MGAT4C: variants seen among roughly 807,000 people sequenced by gnomAD.
MGAT4C encodes the protein alpha-1,3-mannosyl-glycoprotein 4-beta-N-acetylglucosaminyltransferase C.
Under a neutral mutation model 40.1 loss-of-function variants are expected in MGAT4C, and 19 were observed. The observed-to-expected ratio is 0.47, with a 90% confidence interval of 0.33 to 0.70. The LOEUF (loss-of-function observed/expected upper bound fraction) is 0.70, where lower values mean the gene tolerates loss of function less well. Among genes scored for constraint, MGAT4C ranks in the 30% least tolerant of loss-of-function variants. The pLI, the probability that MGAT4C is intolerant of heterozygous loss-of-function variation, is 0.02. For missense variants in MGAT4C, 491 were observed against 563.2 expected (o/e 0.87, Z 1.30); for synonymous variants, 181 against 187.1 (o/e 0.97, Z 0.27).
intron 3 of MGAT4C, among the ~76,000 whole-genome samples, chr12:86,370,259 A>C (rs1955689717): frequency 6.6e-6 from 1 of 152,044 alleles, no homozygotes; most frequent in African/African-American, 2.4e-5. Flanking sequence ...GAAATGGAAA[A>C]ATAGAGTATT....
intron 1 of MGAT4C, among the ~76,000 whole-genome samples, chr12:86,813,768 G>T (rs2136218576): frequency 6.6e-6 from 1 of 152,040 alleles, no homozygotes; most frequent in South Asian, 2.1e-4. Flanking sequence ...AGGTTAATTT[G>T]GGCAGATTTT....
chr12:86,412,672 T>A (rs1009106867), intron 3 of MGAT4C, among the ~76,000 whole-genome samples: 4 of 152,270 alleles, frequency 2.6e-5, no homozygotes, highest in Non-Finnish European at 5.9e-5. Context: ...ATTGCAGACT[T>A]CTGAGTTAAT....
At chr12:86,750,666 T>A (rs1479826053) in intron 1 of MGAT4C, among the ~76,000 whole-genome samples, 1 of 151,942 alleles carries the variant, frequency 6.6e-6, no homozygotes, top group Non-Finnish European at 1.5e-5. Context: ...TGATGCAAGT[T>A]GTGTTGTTAT....
intron 2 of MGAT4C, among the ~76,000 whole-genome samples, chr12:86,647,987 C>T (rs1963589956): frequency 6.6e-6 from 1 of 151,962 alleles, no homozygotes; most frequent in Admixed American, 6.6e-5. Context: ...GGGCAAAGGA[C>T]ATATTTTTCT....
At chr12:86,437,138 C>CA (rs1565761827) in intron 2 of MGAT4C, among the ~76,000 whole-genome samples, 1 of 151,622 alleles carries the variant, frequency 6.6e-6, no homozygotes, top group East Asian at 1.9e-4. Context: ...GTCTTTATTA[C>CA]AAAAAATTCT....
At chr12:86,573,400 GT>G (rs1208292309) in intron 2 of MGAT4C, among the ~76,000 whole-genome samples, 1 of 151,932 alleles carries the variant, frequency 6.6e-6, no homozygotes, top group Admixed American at 6.6e-5. Context: ...TGATCCTACA[GT>G]TCAGTGTTAT....
At chr12:86,206,952 T>C (rs543058754) in intron 1 of MGAT4C, among the ~76,000 whole-genome samples, 2 of 152,286 alleles carry the variant, frequency 1.3e-5, no homozygotes, top group South Asian at 4.1e-4. Flanking sequence ...CCAGGTACTT[T>C]TCCATGGTGC....
chr12:86,042,483 A>C lies in MGAT4C; in HGVS notation c.-7+7191T>G, dbSNP rs190072529. Among the ~76,000 whole-genome samples, 251 of 152,094 alleles carry C rather than the reference A, an allele frequency of 1.7e-3. 1 individual carries two copies. The highest frequency in any genetic ancestry group is 5.6e-3 in the African/African-American group (232 of 41,492). ...ATCCATATTTGGCACTACCTTCAGG[A>C]CCTCTTGTACAACAGGTCTGATGCA... On this transcript the variant is annotated intron_variant, in intron 2 of 4. Transcript: ENST00000611864.
At chr12:86,187,111 T>C (rs1427711152) in intron 1 of MGAT4C, among the ~76,000 whole-genome samples, 1 of 152,098 alleles carries the variant, frequency 6.6e-6, no homozygotes, top group East Asian at 1.9e-4. Flanking sequence ...GCTTTTACAC[T>C]AAATTTTTAA....
At chr12:86,382,822 T>G (rs1325608889) in intron 3 of MGAT4C, among the ~76,000 whole-genome samples, 2 of 152,260 alleles carry the variant, frequency 1.3e-5, no homozygotes, top group African/African-American at 4.8e-5. Context: ...GAGCTGTGAG[T>G]GTACAGAAGT....
Position 86,078,042 on chromosome 12 carries a change from G to A in MGAT4C, c.-56-28319C>T, listed in dbSNP as rs148166853. On this transcript the variant is annotated intron_variant, in intron 1 of 4. Transcript: ENST00000611864. ...CTAGGCCAGCAAAACATAATGTTGC[G>A]GGAACAGGAAGCAAAAATTTTGCTG... Among the ~76,000 whole-genome samples the A allele has an allele frequency of 3.8e-3, 583 of 152,220 alleles. 4 individuals carry two copies. The highest frequency in any genetic ancestry group is 6.1e-3 in the Non-Finnish European group (417 of 68,020).
intron 2 of MGAT4C, among the ~76,000 whole-genome samples, chr12:86,532,608 T>C (rs1010786398): frequency 1.3e-5 from 2 of 152,028 alleles, no homozygotes; most frequent in South Asian, 2.1e-4. Context: ...TACTGCCTCA[T>C]GTATTAAATT....
intron 3 of MGAT4C, among the ~76,000 whole-genome samples, chr12:86,388,952 G>A (rs1167588244): frequency 1.3e-5 from 2 of 152,092 alleles, no homozygotes; most frequent in Admixed American, 6.6e-5. Context: ...CCAAAGTGCT[G>A]AGATTACAGG....
At chr12:86,552,829 T>G (rs1476148945) in intron 2 of MGAT4C, among the ~76,000 whole-genome samples, 1 of 152,132 alleles carries the variant, frequency 6.6e-6, no homozygotes, top group African/African-American at 2.4e-5. Context: ...TCTCTCAATT[T>G]TAATGACTTG....
chr12:86,041,612 C>T (rs531885460), intron 2 of MGAT4C, among the ~76,000 whole-genome samples: 1 of 152,204 alleles, frequency 6.6e-6, no homozygotes, highest in South Asian at 2.1e-4. Context: ...GTTTAATTTC[C>T]ATGTAATTAC....
intron 2 of MGAT4C, among the ~76,000 whole-genome samples, chr12:86,461,242 T>C (rs952302394): frequency 6.2e-5 from 9 of 145,562 alleles, no homozygotes; most frequent in African/African-American, 2.4e-4. Flanking sequence ...TCTTCTTTTT[T>C]TTTTTTTTTT....
At chr12:86,219,041 G>T (rs770470047) in intron 1 of MGAT4C, among the ~76,000 whole-genome samples, 1 of 152,018 alleles carries the variant, frequency 6.6e-6, no homozygotes. Flanking sequence ...TTAGCTGGGC[G>T]TGGTGGCAGG....
At chr12:86,344,404 A>C (rs1954971443) in intron 3 of MGAT4C, among the ~76,000 whole-genome samples, 1 of 152,208 alleles carries the variant, frequency 6.6e-6, no homozygotes, top group Admixed American at 6.6e-5. Context: ...TTATTCCTTG[A>C]CAGTTTTGCT....
Position 86,037,757 on chromosome 12 carries a change from G to C in MGAT4C, c.-7+11917C>G, listed in dbSNP as rs559636357. 8.0e-5 allele frequency among the ~76,000 whole-genome samples: 12 copies of C among 150,072 alleles called. 2 individuals are homozygous for C. Among genetic ancestry groups the C allele is most frequent in the Non-Finnish European group, 1.2e-4 (8 of 66,892 alleles). ...TGTGGGATGTGGTGCTGAGAAGAATGTATGTTCTGTTGATTTGGGGTGGAG... is the reference window on the plus strand; with the variant it reads ...TGTGGGATGTGGTGCTGAGAAGAATCTATGTTCTGTTGATTTGGGGTGGAG... On this transcript the variant is annotated intron_variant, in intron 2 of 4. Transcript: ENST00000611864.
Sources: gnomAD v4.1 joint callset for allele counts (sites outside exome capture counted in the v4.1 genomes callset) on GRCh38, gnomAD v4.1.1 for gene constraint, MANE v1.5 for transcripts, NCBI Gene and HGNC (gene_info 2026-07-23, HGNC 2026-07-21) for gene names.